CDH13: variants seen among roughly 807,000 people sequenced by gnomAD.
CDH13 encodes cadherin-13.
A neutral mutation model predicts 63.8 loss-of-function variants in CDH13; 24 were observed. The ratio of observed to expected loss-of-function variants is 0.38; its 90% confidence interval spans 0.27 to 0.53. The LOEUF is 0.53. Among genes scored for constraint, CDH13 ranks in the 20% least tolerant of loss-of-function variants. The pLI, the probability that CDH13 is intolerant of heterozygous loss-of-function variation, is 0.85. For missense variants in CDH13, 1,049 were observed against 903.1 expected (o/e 1.16, Z -2.07); for synonymous variants, 503 against 355.3 (o/e 1.42, Z -4.67).
At chr16:82,665,757 T>C (rs1408041393) in intron 1 of CDH13, among the ~76,000 whole-genome samples, 5 of 152,002 alleles carry the variant, frequency 3.3e-5, no homozygotes, top group East Asian at 1.9e-4. Context: ...ACCCTGTAAA[T>C]TGGACCTACT....
chr16:83,519,152 G>T (rs1431273991), intron 7 of CDH13, among the ~76,000 whole-genome samples: 2 of 152,166 alleles, frequency 1.3e-5, no homozygotes, highest in African/African-American at 4.8e-5. Context: ...CTGGAAATTT[G>T]AGGAATTTTA....
At chr16:83,064,759 T>C (rs1023797125) in intron 3 of CDH13, among the ~76,000 whole-genome samples, 1 of 152,218 alleles carries the variant, frequency 6.6e-6, no homozygotes, top group African/African-American at 2.4e-5. Context: ...TATGCATTTA[T>C]GAGGTACAAT....
At chr16:83,677,238 T>C (rs926745850) in intron 9 of CDH13, among the ~76,000 whole-genome samples, 4 of 152,178 alleles carry the variant, frequency 2.6e-5, no homozygotes, top group African/African-American at 9.7e-5. Context: ...AGCGCCATTG[T>C]ATTACCAATG....
intron 10 of CDH13, among the ~76,000 whole-genome samples, chr16:83,711,194 A>G (rs1432075700): frequency 6.6e-6 from 1 of 152,232 alleles, no homozygotes; most frequent in Non-Finnish European, 1.5e-5. Context: ...AAGCTATCCC[A>G]TTAGAAAGTC....
chr16:82,981,989 A>C (rs1235945165), intron 2 of CDH13, among the ~76,000 whole-genome samples: 2 of 152,166 alleles, frequency 1.3e-5, no homozygotes, highest in Non-Finnish European at 2.9e-5. Flanking sequence ...GTTGCTTGCC[A>C]TTGGACTATT....
chr16:82,643,617 T>C (rs1249133890), intron 1 of CDH13, among the ~76,000 whole-genome samples: 3 of 152,232 alleles, frequency 2.0e-5, no homozygotes, highest in Non-Finnish European at 4.4e-5. Context: ...ACGTTTGTTT[T>C]GCTGATTTGT....
chr16:83,404,205 G>A (rs192533896), intron 6 of CDH13, among the ~76,000 whole-genome samples: 275 of 152,250 alleles, frequency 1.8e-3, no homozygotes, highest in Non-Finnish European at 3.3e-3. Context: ...AACTGTTCAC[G>A]TTTCAGAACT....
chr16:82,687,092 TA>T (rs1915151470), intron 1 of CDH13, among the ~76,000 whole-genome samples: 1 of 152,188 alleles, frequency 6.6e-6, no homozygotes, highest in Non-Finnish European at 1.5e-5. Flanking sequence ...AACTGAGTCT[TA>T]CCCATTACGT....
chr16:83,445,366 A>T (rs1350193868), intron 6 of CDH13, among the ~76,000 whole-genome samples: 1 of 133,482 alleles, frequency 7.5e-6, no homozygotes, highest in African/African-American at 2.5e-5. Flanking sequence ...AAGTTATTTC[A>T]GAAAAGCTTC....
At chr16:83,138,633 T>TA (rs1414550377) in intron 4 of CDH13, among the ~76,000 whole-genome samples, 2 of 152,190 alleles carry the variant, frequency 1.3e-5, no homozygotes, top group Non-Finnish European at 2.9e-5. Context: ...GGAAAAATTG[T>TA]AAAAACTACT....
intron 6 of CDH13, among the ~76,000 whole-genome samples, chr16:83,441,001 C>G (rs2072465103): frequency 6.6e-6 from 1 of 152,074 alleles, no homozygotes; most frequent in Non-Finnish European, 1.5e-5. Flanking sequence ...CACTGCAGTT[C>G]TAGGAAACCA....
At chr16:83,252,440 G>T (rs6565166) in intron 5 of CDH13, among the ~76,000 whole-genome samples, 150,535 of 152,234 alleles carry the variant, frequency 0.99, 74,455 homozygotes, top group Middle Eastern at 1. Context: ...CAAAGATGGT[G>T]ACCTTAAAAC....
intron 3 of CDH13, among the ~76,000 whole-genome samples, chr16:83,034,617 G>C (rs1271343143): frequency 1.3e-5 from 2 of 152,152 alleles, no homozygotes; most frequent in Non-Finnish European, 2.9e-5. Context: ...ATGGTGAGGG[G>C]GTTTGCCCAT....
chr16:83,588,386 A>G (rs143721418), intron 7 of CDH13, among the ~76,000 whole-genome samples: 166 of 152,330 alleles, frequency 1.1e-3, no homozygotes, highest in African/African-American at 3.8e-3. Context: ...TGATTTACTC[A>G]TTCATTGAAC....
At chr16:83,784,440 T>A (rs2060034538) in intron 13 of CDH13, among the ~76,000 whole-genome samples, 1 of 152,122 alleles carries the variant, frequency 6.6e-6, no homozygotes, top group Admixed American at 6.5e-5. Flanking sequence ...AAGACCAGTC[T>A]GGCCAACATG....
chr16:83,389,468 G>A (rs75321809), intron 6 of CDH13, among the ~76,000 whole-genome samples: 6,108 of 152,192 alleles, frequency 0.04, 291 homozygotes, highest in African/African-American at 0.11. Context: ...GTCTAAACTA[G>A]GAGCCAATCC....
intron 5 of CDH13, among the ~76,000 whole-genome samples, chr16:83,276,293 C>G (rs908101469): frequency 6.6e-6 from 1 of 152,110 alleles, no homozygotes. Flanking sequence ...AAGAGCAGCC[C>G]TATCATTCTA....
intron 2 of CDH13, among the ~76,000 whole-genome samples, chr16:83,009,600 C>T (rs117114958): frequency 2.6e-5 from 4 of 152,134 alleles, no homozygotes; most frequent in Non-Finnish European, 5.9e-5. Context: ...AACCCAGGAC[C>T]ACTCTGACTC....
chr16:83,505,146 A>G (rs768375226), intron 7 of CDH13, among the ~76,000 whole-genome samples: 8 of 152,198 alleles, frequency 5.3e-5, no homozygotes, highest in Admixed American at 1.3e-4. Flanking sequence ...TTGGACTTGA[A>G]TTTGGTGCTC....
Sources: allele counts gnomAD v4.1 joint callset (sites outside exome capture counted in the v4.1 genomes callset), GRCh38; gene constraint gnomAD v4.1.1; transcripts MANE v1.5; gene names NCBI Gene and HGNC (gene_info 2026-07-23, HGNC 2026-07-21).